TMEFF2: variants seen among roughly 807,000 people sequenced by gnomAD.
TMEFF2 encodes the protein tomoregulin-2.
Under a neutral mutation model 53.8 loss-of-function variants are expected in TMEFF2, and 28 were observed. The observed-to-expected ratio is 0.52, with a 90% confidence interval of 0.39 to 0.71. TMEFF2 has a LOEUF of 0.71. TMEFF2 is among the 30% of genes least tolerant of loss of function. The pLI is 0.00. For synonymous variants in TMEFF2, 162 were observed against 166.3 expected (o/e 0.97, Z 0.20); for missense variants, 353 against 455.2 (o/e 0.78, Z 2.04).
intron 7 of TMEFF2, among the ~76,000 whole-genome samples, chr2:191,964,380 TTCTTTCTTTCTTTCTTTCTC>T (rs1692394807): frequency 2.5e-5 from 1 of 39,874 alleles, no homozygotes; most frequent in African/African-American, 7.8e-5. Context: ...TTCTCTTTCT[TTCTTTCTTTCTTTCTTTCTC>T]TTTCTTTCTT....
intron 4 of TMEFF2, among the ~76,000 whole-genome samples, chr2:192,118,281 G>A (rs1689464927): frequency 6.6e-6 from 1 of 151,936 alleles, no homozygotes; most frequent in Admixed American, 6.6e-5. Context: ...CTCTTCAATT[G>A]ACTACCTACA....
chr2:192,065,751 T>C (rs1688156048), intron 4 of TMEFF2, among the ~76,000 whole-genome samples: 1 of 151,786 alleles, frequency 6.6e-6, no homozygotes, highest in African/African-American at 2.4e-5. Context: ...TTTGAATAAA[T>C]TATAAAAATT....
intron 7 of TMEFF2, among the ~76,000 whole-genome samples, chr2:191,994,409 A>G (rs2105829842): frequency 6.6e-6 from 1 of 151,884 alleles, no homozygotes; most frequent in Non-Finnish European, 1.5e-5. Context: ...AAAATTAAGT[A>G]CATTTTTACT....
chr2:192,033,734 A>G (rs1437056357), intron 5 of TMEFF2, among the ~76,000 whole-genome samples: 3 of 152,094 alleles, frequency 2.0e-5, no homozygotes, highest in Non-Finnish European at 4.4e-5. Flanking sequence ...TTAAATTTTG[A>G]TATAGTGTGA....
At chr2:191,969,458 A>T (rs1277026678) in intron 7 of TMEFF2, among the ~76,000 whole-genome samples, 1 of 152,174 alleles carries the variant, frequency 6.6e-6, no homozygotes. Context: ...CAGTACAAAA[A>T]GACTAGGTGC....
intron 5 of TMEFF2, 134 bp from the exon 6 acceptor site, chr2:191,999,342 G>C: frequency 1.6e-6 from 1 of 633,756 alleles, no homozygotes; most frequent in Non-Finnish European, 2.4e-6. Context: ...TTCCAGGGAA[G>C]TTCCTTCACT....
chr2:191,997,894 CTT>C (rs1336826041), intron 7 of TMEFF2, among the ~76,000 whole-genome samples: 2 of 151,810 alleles, frequency 1.3e-5, no homozygotes, highest in Non-Finnish European at 2.9e-5. Flanking sequence ...TCATTGTTGA[CTT>C]TTATGAAAAT....
rs574413257 is a variant in TMEFF2, at chr2:192,031,176, A to G, written c.536+26503T>C. Among the ~76,000 whole-genome samples, 6 of 152,296 alleles carry G rather than the reference A, an allele frequency of 3.9e-5. No individual in the cohort carries two copies. The South Asian group carries it at 1.2e-3, about 32-fold the overall frequency. On this transcript the variant is annotated intron_variant, in intron 5 of 9. Coordinates refer to ENST00000272771, the MANE Select transcript of TMEFF2 (RefSeq NM_016192.4). ...CCTACTTCCTTAACACTCTTGTCCA[A>G]TATATCCTAATAAGTCCTGTGTCAC...
At chr2:191,969,662 G>C (rs1317538553) in intron 7 of TMEFF2, among the ~76,000 whole-genome samples, 2 of 152,148 alleles carry the variant, frequency 1.3e-5, no homozygotes, top group African/African-American at 4.8e-5. Flanking sequence ...AAATGGCAAT[G>C]AGAGAATTTA....
intron 4 of TMEFF2, among the ~76,000 whole-genome samples, chr2:192,097,101 CA>C (rs1406476401): frequency 8.5e-5 from 13 of 152,266 alleles, no homozygotes; most frequent in Admixed American, 3.3e-4. Flanking sequence ...CACACATTTT[CA>C]AAAAACTTAA....
chr2:192,027,211 C>T (rs1473830787), intron 5 of TMEFF2, among the ~76,000 whole-genome samples: 1 of 152,136 alleles, frequency 6.6e-6, no homozygotes, highest in East Asian at 1.9e-4. Flanking sequence ...CTTAATCTTG[C>T]AATATTTGAG....
chr2:192,042,298 A>G (rs1427812229), intron 5 of TMEFF2, among the ~76,000 whole-genome samples: 1 of 152,216 alleles, frequency 6.6e-6, no homozygotes, highest in Non-Finnish European at 1.5e-5. Context: ...TAGAGACATG[A>G]ATTGAGTACA....
intron 4 of TMEFF2, among the ~76,000 whole-genome samples, chr2:192,081,618 A>G (rs1448600049): frequency 1.3e-5 from 2 of 152,184 alleles, no homozygotes; most frequent in African/African-American, 4.8e-5. Context: ...TCAGTGGCAG[A>G]AAACTCCTAA....
rs577876979 is a variant in TMEFF2, at chr2:192,054,682, A to G, written c.536+2997T>C. ...AGTCACTGCAAATATGCTGCCTGCA[A>G]TCTGGCCATCTCATTGTCTAGACAT... is the stretch of plus-strand genomic sequence containing the variant. On this transcript the variant is annotated intron_variant, in intron 5 of 9. Coordinates refer to ENST00000272771, the MANE Select transcript of TMEFF2 (RefSeq NM_016192.4). Among the ~76,000 whole-genome samples the G allele has an allele frequency of 1.6e-4, 24 of 152,272 alleles. No individual in the cohort carries two copies. The South Asian group carries it at 4.8e-3, about 30-fold the overall frequency.
intron 4 of TMEFF2, among the ~76,000 whole-genome samples, chr2:192,145,470 G>A (rs1418632155): frequency 6.6e-6 from 1 of 151,686 alleles, no homozygotes; most frequent in Non-Finnish European, 1.5e-5. Context: ...GCAGTAGCAA[G>A]GAATTAAAAG....
At chr2:192,038,964 A>T (rs971418588) in intron 5 of TMEFF2, among the ~76,000 whole-genome samples, 7 of 152,208 alleles carry the variant, frequency 4.6e-5, no homozygotes, top group Non-Finnish European at 1.0e-4. Context: ...AATTACATTT[A>T]AAAAAATGCA....
At chr2:192,015,026 G>A (rs1257231146) in intron 5 of TMEFF2, among the ~76,000 whole-genome samples, 1 of 152,160 alleles carries the variant, frequency 6.6e-6, no homozygotes, top group African/African-American at 2.4e-5. Flanking sequence ...CAACTGCAAA[G>A]CGGATAATAC....
chr2:192,063,957 G>A (rs1313673895), intron 4 of TMEFF2, among the ~76,000 whole-genome samples: 1 of 149,292 alleles, frequency 6.7e-6, no homozygotes, highest in African/African-American at 2.4e-5. Context: ...TCTTTTAAAC[G>A]ACATACAATT....
At chr2:192,164,901 C>T (rs548940654) in intron 4 of TMEFF2, among the ~76,000 whole-genome samples, 3 of 151,530 alleles carry the variant, frequency 2.0e-5, no homozygotes, top group African/African-American at 7.3e-5. Flanking sequence ...GCTATGTTAT[C>T]AATGCTCAGA....
Sources: gnomAD v4.1 joint callset for allele counts (sites outside exome capture counted in the v4.1 genomes callset) on GRCh38, gnomAD v4.1.1 for gene constraint, MANE v1.5 for transcripts, NCBI Gene and HGNC (gene_info 2026-07-23, HGNC 2026-07-21) for gene names.